Variants in INPP4B observed in about 807,000 individuals in gnomAD.
The protein encoded by INPP4B is inositol polyphosphate-4-phosphatase type II B.
Under a neutral mutation model 122.5 loss-of-function variants are expected in INPP4B, and 55 were observed. That is an observed-to-expected ratio of 0.45 (90% CI 0.36 to 0.56). The LOEUF (loss-of-function observed/expected upper bound fraction) is 0.56. Among genes scored for constraint, INPP4B ranks in the 20% least tolerant of loss-of-function variants. INPP4B has a pLI of 0.00. For missense variants in INPP4B, 1,000 were observed against 1,097.7 expected (o/e 0.91, Z 1.26); for synonymous variants, 403 against 388.7 (o/e 1.04, Z -0.43).
intron 2 of INPP4B, among the ~76,000 whole-genome samples, chr4:142,638,911 T>A (rs1377705511): frequency 6.6e-6 from 1 of 152,158 alleles, no homozygotes; most frequent in Non-Finnish European, 1.5e-5. Context: ...GCCTATAGGC[T>A]TTTTTGTGGA....
Position 142,307,644 on chromosome 4 carries a change from C to T in INPP4B, c.424-2107G>A, listed in dbSNP as rs1763931822. Among the ~76,000 whole-genome samples the T allele has an allele frequency of 2.0e-5, 3 of 152,144 alleles. No homozygotes were observed. The South Asian group carries it at 6.2e-4, about 32-fold the overall frequency. ...CAAAACAATTTTATAGTATGCAGAT[C>T]GTATACTGCTGTAGTGAATTTTATT... On this transcript the variant is annotated intron_variant, in intron 8 of 25. Transcript: ENST00000262992.
intron 14 of INPP4B, among the ~76,000 whole-genome samples, chr4:142,196,855 G>C (rs754936636): frequency 6.6e-6 from 1 of 151,900 alleles, no homozygotes; most frequent in Admixed American, 6.6e-5. Context: ...CACCATGAAA[G>C]TGAAAATTAT....
intron 7 of INPP4B, among the ~76,000 whole-genome samples, chr4:142,339,331 A>G (rs1017228078): frequency 6.6e-6 from 1 of 152,212 alleles, no homozygotes; most frequent in Non-Finnish European, 1.5e-5. Flanking sequence ...AGGAGAAGCA[A>G]AACAAAGCAT....
intron 3 of INPP4B, among the ~76,000 whole-genome samples, chr4:142,455,741 T>TA (rs1815273964): frequency 6.6e-6 from 1 of 152,158 alleles, no homozygotes; most frequent in African/African-American, 2.4e-5. Flanking sequence ...CTGTTTTTCA[T>TA]AGTGATTGTA....
chr4:142,047,084 G>A (rs1256498160), intron 25 of INPP4B, among the ~76,000 whole-genome samples: 3 of 152,080 alleles, frequency 2.0e-5, no homozygotes, highest in Admixed American at 6.6e-5. Context: ...CATCATTTCT[G>A]ACACTTGCAA....
chr4:142,460,757 G>T (rs1162476410), intron 3 of INPP4B, among the ~76,000 whole-genome samples: 1 of 151,946 alleles, frequency 6.6e-6, no homozygotes, highest in African/African-American at 2.4e-5. Context: ...ATGCTGAATT[G>T]GTCTAAAAAA....
rs149071984 is a variant in INPP4B, at chr4:142,062,285, C to T, written c.2642+19746G>A. Among the ~76,000 whole-genome samples, 288 of 151,804 alleles carry T rather than the reference C, an allele frequency of 1.9e-3. 2 individuals are homozygous for T. The highest frequency in any genetic ancestry group is 5.8e-3 in the African/African-American group (237 of 41,196). ...ACCACATCATCATCACAGCACCACA[C>T]CATCATCACAGCACCACACCATCAC... is the stretch of plus-strand genomic sequence containing the variant. On this transcript the variant is annotated intron_variant, in intron 25 of 25. Coordinates refer to ENST00000262992, the MANE Select transcript of INPP4B (RefSeq NM_001101669.3).
At chr4:142,545,504 G>A (rs1362983336) in intron 2 of INPP4B, among the ~76,000 whole-genome samples, 2 of 151,876 alleles carry the variant, frequency 1.3e-5, no homozygotes, top group African/African-American at 2.4e-5. Context: ...AAGAGAAAAC[G>A]AGGCTAAGTC....
At chr4:142,244,237 G>T (rs1031575158) in intron 11 of INPP4B, among the ~76,000 whole-genome samples, 6 of 146,706 alleles carry the variant, frequency 4.1e-5, no homozygotes, top group Non-Finnish European at 8.9e-5. Context: ...CAAAGGACAT[G>T]AACTCATCTT....
intron 3 of INPP4B, among the ~76,000 whole-genome samples, chr4:142,439,076 C>G (rs1030259541): frequency 5.3e-5 from 8 of 152,102 alleles, no homozygotes. Flanking sequence ...GTCTGAGCCT[C>G]GAGCCTCCAT....
chr4:142,274,711 T>G (rs561493223), intron 9 of INPP4B, among the ~76,000 whole-genome samples: 1 of 151,954 alleles, frequency 6.6e-6, no homozygotes, highest in South Asian at 2.1e-4. Context: ...CTTCATACTC[T>G]TACCTTTCCT....
At chr4:142,797,697 A>G (rs1275399332) in intron 1 of INPP4B, among the ~76,000 whole-genome samples, 1 of 151,984 alleles carries the variant, frequency 6.6e-6, no homozygotes, top group Admixed American at 6.6e-5. Context: ...AAAAAATGGC[A>G]ATCATTTTGT....
intron 7 of INPP4B, among the ~76,000 whole-genome samples, chr4:142,388,976 A>G (rs1796818684): frequency 6.6e-6 from 1 of 152,128 alleles, no homozygotes; most frequent in Admixed American, 6.5e-5. Context: ...TTAGAGGCCC[A>G]GTGAGGTAGC....
At chr4:142,615,964 A>G (rs181089183) in intron 2 of INPP4B, among the ~76,000 whole-genome samples, 103 of 152,276 alleles carry the variant, frequency 6.8e-4, no homozygotes, top group Middle Eastern at 6.8e-3. Context: ...GTCATATACA[A>G]AATATGAGAC....
chr4:142,397,514 T>C, intron 7 of INPP4B, among the ~76,000 whole-genome samples: 1 of 152,168 alleles, frequency 6.6e-6, no homozygotes, highest in East Asian at 1.9e-4. Context: ...ATACTGACCT[T>C]GTTTTAGTAA....
chr4:142,807,833 C>A (rs534462906), intron 1 of INPP4B, among the ~76,000 whole-genome samples: 2 of 152,254 alleles, frequency 1.3e-5, no homozygotes, highest in East Asian at 3.9e-4. Context: ...GCTGCCCTAG[C>A]ATTTTGAAAC....
chr4:142,750,263 A>C (rs1769468179), intron 1 of INPP4B, among the ~76,000 whole-genome samples: 1 of 152,118 alleles, frequency 6.6e-6, no homozygotes, highest in Admixed American at 6.6e-5. Context: ...TCAAAGGCCA[A>C]ATTTCTCCAG....
In INPP4B at chr4:142,829,885, C is replaced by T. The variant is rs192593785; in HGVS notation, c.-254+16324G>A. Among the ~76,000 whole-genome samples the T allele has an allele frequency of 5.4e-3, 821 of 152,198 alleles. 4 individuals are homozygous for T. The highest frequency in any genetic ancestry group is 0.019 in the African/African-American group (774 of 41,532). On this transcript the variant is annotated intron_variant, in intron 1 of 25. Coordinates refer to ENST00000262992, the MANE Select transcript of INPP4B (RefSeq NM_001101669.3). ...AGTAACGGGACTGATAAAGTCAATACATTAAAATCAATAATATTTCTATAT... is the reference window on the plus strand; with the variant it reads ...AGTAACGGGACTGATAAAGTCAATATATTAAAATCAATAATATTTCTATAT...
chr4:142,241,390 C>T (rs1291812157), intron 11 of INPP4B, among the ~76,000 whole-genome samples: 1 of 152,102 alleles, frequency 6.6e-6, no homozygotes, highest in Non-Finnish European at 1.5e-5. Flanking sequence ...ACACATTCCC[C>T]TTGAGGTCCA....
Sources: allele counts gnomAD v4.1 joint callset (sites outside exome capture counted in the v4.1 genomes callset), GRCh38; gene constraint gnomAD v4.1.1; transcripts MANE v1.5; gene names NCBI Gene and HGNC (gene_info 2026-07-23, HGNC 2026-07-21).